Variants in ASIC2 observed in about 807,000 individuals in gnomAD.
ASIC2 encodes the protein acid-sensing ion channel 2.
In ASIC2, 25 loss-of-function variants were observed where a neutral mutation model predicts 57.3. That is an observed-to-expected ratio of 0.44 (90% confidence interval 0.32 to 0.61). The LOEUF is 0.61. Among genes scored for constraint, ASIC2 ranks in the 20% least tolerant of loss-of-function variants. ASIC2 has a pLI of 0.06. For missense variants in ASIC2, 641 were observed against 738.1 expected, an observed-to-expected ratio of 0.87 and a Z score of 1.52; for synonymous variants, 319 against 307.5, an observed-to-expected ratio of 1.04 and a Z score of -0.39.
intron 1 of ASIC2, among the ~76,000 whole-genome samples, chr17:33,308,828 GA>G (rs148463357): frequency 4.0e-5 from 6 of 151,354 alleles, no homozygotes; most frequent in Middle Eastern, 3.4e-3. Context: ...CTTTTTTTGT[GA>G]AAAAAAAGAT....
At chr17:34,014,740 A>C (rs1001477181) in intron 1 of ASIC2, among the ~76,000 whole-genome samples, 1 of 152,204 alleles carries the variant, frequency 6.6e-6, no homozygotes, top group Non-Finnish European at 1.5e-5. Flanking sequence ...TATCTCTGAA[A>C]TGGGGACATG....
intron 1 of ASIC2, among the ~76,000 whole-genome samples, chr17:33,788,334 C>A (rs1041235164): frequency 5.9e-5 from 9 of 152,048 alleles, no homozygotes; most frequent in African/African-American, 1.9e-4. Flanking sequence ...CAGAGAAATG[C>A]AAATCAAAAC....
At chr17:33,547,137 C>A (rs113750883) in intron 1 of ASIC2, among the ~76,000 whole-genome samples, 3 of 152,174 alleles carry the variant, frequency 2.0e-5, no homozygotes, top group African/African-American at 7.2e-5. Context: ...TAACAAGTTC[C>A]AGGGTGACGC....
chr17:33,523,195 C>G (rs1057025851), intron 1 of ASIC2, among the ~76,000 whole-genome samples: 5 of 152,198 alleles, frequency 3.3e-5, no homozygotes, highest in African/African-American at 1.2e-4. Flanking sequence ...GTAAAGTACT[C>G]AGCCCCTCTG....
chr17:33,157,192 T>C (rs1248964727), intron 1 of ASIC2, among the ~76,000 whole-genome samples: 2 of 152,112 alleles, frequency 1.3e-5, no homozygotes, highest in Admixed American at 6.5e-5. Flanking sequence ...ACCTTGCTTG[T>C]CCAACTCTAG....
In ASIC2 at chr17:33,663,851, A is replaced by G. The variant is rs564852026; in HGVS notation, c.555+492127T>C. Among the ~76,000 whole-genome samples the G allele has an allele frequency of 3.5e-4, 54 of 152,156 alleles. No individual in the cohort carries two copies. The East Asian group carries it at 9.3e-3, about 26-fold the overall frequency. Reference sequence around the variant, plus strand: ...CATTATTAATCTCTCATGTCTTCCAAATGTTCTCAGCTGAATCCCAGTGTG... The same window carrying G: ...CATTATTAATCTCTCATGTCTTCCAGATGTTCTCAGCTGAATCCCAGTGTG... On this transcript the variant is annotated intron_variant, in intron 1 of 9. Transcript: ENST00000359872.
At chr17:33,762,916 A>G (rs1910828998) in intron 1 of ASIC2, among the ~76,000 whole-genome samples, 1 of 152,192 alleles carries the variant, frequency 6.6e-6, no homozygotes, top group Non-Finnish European at 1.5e-5. Flanking sequence ...GGCTCCTGTC[A>G]GATACTTTTC....
chr17:33,845,373 C>A (rs1005540424), intron 1 of ASIC2, among the ~76,000 whole-genome samples: 7 of 152,128 alleles, frequency 4.6e-5, no homozygotes, highest in African/African-American at 1.7e-4. Context: ...TACCAGAATG[C>A]TTGTATTTCA....
chr17:33,871,846 A>C (rs1410760946), intron 1 of ASIC2, among the ~76,000 whole-genome samples: 1 of 152,058 alleles, frequency 6.6e-6, no homozygotes, highest in African/African-American at 2.4e-5. Flanking sequence ...AGTCATGGCA[A>C]AGGGGGTAAT....
chr17:33,181,411 T>C (rs1031771092), intron 1 of ASIC2, among the ~76,000 whole-genome samples: 2 of 152,096 alleles, frequency 1.3e-5, no homozygotes, highest in African/African-American at 4.8e-5. Context: ...TTATGGCAAA[T>C]GTGGTGGCTT....
intron 9 of ASIC2, 73 bp from the exon 10 acceptor site, chr17:33,014,139 G>A (rs907344765): frequency 1.6e-6 from 2 of 1,227,960 alleles, no homozygotes; most frequent in African/African-American, 3.0e-5. Flanking sequence ...CAGCGGCCCA[G>A]CCTAGGCCCT....
intron 1 of ASIC2, among the ~76,000 whole-genome samples, chr17:33,819,977 T>C (rs1912698300): frequency 6.6e-6 from 1 of 152,158 alleles, no homozygotes; most frequent in African/African-American, 2.4e-5. Context: ...GAATTCCCTT[T>C]GCTGCCTACC....
chr17:33,514,554 G>A (rs1323893129), intron 1 of ASIC2, among the ~76,000 whole-genome samples: 1 of 152,182 alleles, frequency 6.6e-6, no homozygotes, highest in Non-Finnish European at 1.5e-5. Flanking sequence ...CCTACATTCC[G>A]AGCATTTCAG....
intron 1 of ASIC2, among the ~76,000 whole-genome samples, chr17:34,123,908 C>T (rs1319712487): frequency 6.6e-6 from 1 of 152,008 alleles, no homozygotes; most frequent in Non-Finnish European, 1.5e-5. Context: ...CATGGCGAAA[C>T]CCCATCTCTA....
At chr17:33,241,765 A>T (rs1908514106) in intron 1 of ASIC2, among the ~76,000 whole-genome samples, 1 of 152,116 alleles carries the variant, frequency 6.6e-6, no homozygotes, top group Non-Finnish European at 1.5e-5. Context: ...GCCAGTGGAG[A>T]TATCTAAGGA....
At chr17:33,809,581 G>A (rs986813935) in intron 1 of ASIC2, among the ~76,000 whole-genome samples, 5 of 152,192 alleles carry the variant, frequency 3.3e-5, no homozygotes, top group South Asian at 4.1e-4. Flanking sequence ...ACTGATACAC[G>A]TATCCTTAGT....
intron 2 of ASIC2, among the ~76,000 whole-genome samples, chr17:33,098,978 A>ATATATATATAAAAACAAAAT (rs1567744100): frequency 6.7e-5 from 10 of 148,542 alleles, no homozygotes; most frequent in Non-Finnish European, 1.2e-4. Context: ...ATAAACAAAA[A>ATATATATATAAAAACAAAAT]ATATATATAT....
At chr17:33,937,352 G>T (rs1916090014) in intron 1 of ASIC2, among the ~76,000 whole-genome samples, 1 of 151,974 alleles carries the variant, frequency 6.6e-6, no homozygotes, top group Non-Finnish European at 1.5e-5. Context: ...GCCCACCTCG[G>T]CCTCCCAAAG....
chr17:33,699,988 T>C (rs11869137), intron 1 of ASIC2, among the ~76,000 whole-genome samples: 4,127 of 147,040 alleles, frequency 0.028, 161 homozygotes, highest in African/African-American at 0.097. Context: ...CTATGCTTAA[T>C]GGAAAAAAAA....
Sources: allele counts gnomAD v4.1 joint callset (sites outside exome capture counted in the v4.1 genomes callset), GRCh38; gene constraint gnomAD v4.1.1; transcripts MANE v1.5; gene names NCBI Gene and HGNC (gene_info 2026-07-23, HGNC 2026-07-21).